Variants in NIBAN2 observed in about 807,000 individuals in gnomAD.
The protein encoded by NIBAN2 is protein Niban 2.
In NIBAN2, 36 loss-of-function variants were observed where a neutral mutation model predicts 81.8. That is an observed-to-expected ratio of 0.44 (90% CI 0.34 to 0.58). The LOEUF (loss-of-function observed/expected upper bound fraction) is 0.58. Among genes scored for constraint, NIBAN2 ranks in the 20% least tolerant of loss-of-function variants. NIBAN2 has a pLI of 0.02. For missense variants in NIBAN2, 897 were observed against 1,014.1 expected, an observed-to-expected ratio of 0.88 and a Z score of 1.57; for synonymous variants, 445 against 441.6, an observed-to-expected ratio of 1.01 and a Z score of -0.10.
chr9:127,551,058 C>G lies in NIBAN2; in HGVS notation c.55+17762G>C, dbSNP rs560296620. 3.3e-5 allele frequency among the ~76,000 whole-genome samples: 5 copies of G among 152,048 alleles called. No homozygotes were observed. The East Asian group carries it at 9.6e-4, about 29-fold the overall frequency. ...ATTAAGAAAAGGGAAGCCAGTGATC[C>G]CCACCGCACAAAGGGACAGATGGAA... On this transcript the variant is annotated intron_variant, in intron 1 of 13. Transcript: ENST00000373312.
chr9:127,555,651 G>A (rs567819349), intron 1 of NIBAN2, among the ~76,000 whole-genome samples: 1 of 152,298 alleles, frequency 6.6e-6, no homozygotes, highest in Non-Finnish European at 1.5e-5. Flanking sequence ...GTGGGCACAG[G>A]ACTTGCCCCA....
At chr9:127,543,179 C>T (rs895528530) in intron 1 of NIBAN2, among the ~76,000 whole-genome samples, 6 of 152,194 alleles carry the variant, frequency 3.9e-5, no homozygotes, top group African/African-American at 1.4e-4. Flanking sequence ...TCAAAATGGC[C>T]CAGGGAGAAA....
intron 2 of NIBAN2, among the ~76,000 whole-genome samples, chr9:127,529,561 A>G (rs1023673118): frequency 2.0e-5 from 3 of 152,106 alleles, no homozygotes; most frequent in African/African-American, 7.2e-5. Flanking sequence ...AATCGCTTGA[A>G]CCAGGGAGGT....
chr9:127,542,960 G>A (rs1346329495), intron 1 of NIBAN2, among the ~76,000 whole-genome samples: 1 of 152,144 alleles, frequency 6.6e-6, no homozygotes, highest in Non-Finnish European at 1.5e-5. Context: ...CCTGACCTCA[G>A]GTGATCCACC....
Position 127,508,180 on chromosome 9 carries a change from G to A in NIBAN2, c.1455C>T (p.Ser485=). 1.9e-6 allele frequency: 3 copies of A among 1,613,604 alleles called. No individual in the cohort carries two copies. Among genetic ancestry groups the A allele is most frequent in the Non-Finnish European group, 2.5e-6 (3 of 1,179,942 alleles). ...RVLKKYDYDS[S]SVRKRFFREA... ...CCCGGAAGAACCTCTTCCGCACAGAGCTGCTGTCGTAGTCGTATTTCTGCA... is the reference window on the plus strand; with the variant it reads ...CCCGGAAGAACCTCTTCCGCACAGAACTGCTGTCGTAGTCGTATTTCTGCA... Residue 485 remains serine, a synonymous_variant, in exon 12 of 14, where the codon AGC becomes AGT. Transcript: ENST00000373312. This position sits in a 1 kb window ranked among gnomAD's most constrained non-coding sequence, Gnocchi z 6.4.
chr9:127,570,390 G>C (rs1837932879), upstream of NIBAN2, among the ~76,000 whole-genome samples: 1 of 152,170 alleles, frequency 6.6e-6, no homozygotes, highest in African/African-American at 2.4e-5. Flanking sequence ...GGGGTGAAAA[G>C]AGAAGGAAGC....
At position 127,507,735 on chromosome 9, in the gene NIBAN2, G is replaced by A; in HGVS notation, c.1654+132C>T. On this transcript the variant is annotated intron_variant, in intron 13 of 13. Coordinates refer to ENST00000373312, the MANE Select transcript of NIBAN2 (RefSeq NM_022833.4). The surrounding 1 kb of genome is among the most constrained non-coding windows in gnomAD (Gnocchi z 6.8). ...CCGGAGGCCACACAGCGAAGAGTGG[G>A]CTTCACCCAGACCCCAGGTGCAAGT... The A allele has an allele frequency of 1.2e-6, 1 of 825,930 alleles. No individual in the cohort carries two copies. The highest frequency in any genetic ancestry group is 2.0e-6 in the Non-Finnish European group (1 of 494,762). 51.2% of individuals were successfully genotyped at this position (825,930 alleles called of 1,614,324 possible). A position where few individuals can be genotyped will look rare whatever the true frequency, so the allele number is the denominator to read the frequency against.
chr9:127,513,072 T>C (rs1836766051), intron 8 of NIBAN2, among the ~76,000 whole-genome samples: 1 of 152,124 alleles, frequency 6.6e-6, no homozygotes, highest in Admixed American at 6.5e-5. Context: ...TGCAACAACA[T>C]GGTTGGAGCT....
Position 127,506,283 on chromosome 9 carries a change from C to G in NIBAN2, c.*562G>C, listed in dbSNP as rs1209896540. On this transcript the variant is annotated 3_prime_UTR_variant, in exon 14 of 14. Coordinates refer to ENST00000373312, the MANE Select transcript of NIBAN2 (RefSeq NM_022833.4). ...ATGAGGCACCCCCTAAATCTCATCT[C>G]TCCACCCAGCACCCCCAGCCTGGCT... is the stretch of plus-strand genomic sequence containing the variant. 1 of 152,820 alleles carries G rather than the reference C, an allele frequency of 6.5e-6. No individual in the cohort carries two copies. Among genetic ancestry groups the G allele is most frequent in the African/African-American group, 2.4e-5 (1 of 41,426 alleles). The allele number at this position is 152,820 out of a possible 1,614,324, so 9.5% of individuals were successfully genotyped here.
In NIBAN2 at chr9:127,545,406, C is replaced by T. The variant is rs1377665589; in HGVS notation, c.56-13628G>A. Among the ~76,000 whole-genome samples the T allele has an allele frequency of 2.6e-5, 4 of 152,194 alleles. No individual in the cohort carries two copies. Among genetic ancestry groups the T allele is most frequent in the Non-Finnish European group, 4.4e-5 (3 of 68,044 alleles). On this transcript the variant is annotated intron_variant, in intron 1 of 13. Coordinates refer to ENST00000373312, the MANE Select transcript of NIBAN2 (RefSeq NM_022833.4). The surrounding 1 kb of genome is among the most constrained non-coding windows in gnomAD (Gnocchi z 4.7). ...CGCTGTCTCCCCAGCACCCAGCTCC[C>T]GCCAGGCCCAGGGGGGTGCTTGATA...
At chr9:127,578,534 G>A (rs75131955) in intron 1 of NIBAN2, among the ~76,000 whole-genome samples, 4,167 of 151,240 alleles carry the variant, frequency 0.028, 157 homozygotes, top group African/African-American at 0.079. Context: ...TGGCGGTGGG[G>A]CCCTGTCATC....
chr9:127,516,835 G>T, intron 8 of NIBAN2, 22 bp downstream of exon 8: 2 of 1,600,692 alleles, frequency 1.2e-6, no homozygotes, highest in South Asian at 2.2e-5. Flanking sequence ...AGGGCCCGTC[G>T]AGCACGGGGG....
Position 127,507,575 on chromosome 9 carries a change from AAGC to A in NIBAN2, c.1655-147_1655-145del. On this transcript the variant is annotated intron_variant, in intron 13 of 13. Transcript: ENST00000373312. This position sits in a 1 kb window ranked among gnomAD's most constrained non-coding sequence, Gnocchi z 6.8. ...GACTCATTCCAGGCCTCGTTGCTGAAAGCAGCAAGGCCGTGATGCTATCTCCAG... is the reference window on the plus strand; with the variant it reads ...GACTCATTCCAGGCCTCGTTGCTGAAAGCAAGGCCGTGATGCTATCTCCAG... 1.3e-6 allele frequency: 1 copy of A among 771,742 alleles called. No individual in the cohort carries two copies. The highest frequency in any genetic ancestry group is 2.0e-6 in the Non-Finnish European group (1 of 489,708). 47.8% of individuals were successfully genotyped at this position (771,742 alleles called of 1,614,324 possible). A position where few individuals can be genotyped will look rare whatever the true frequency, so the allele number is the denominator to read the frequency against.
In NIBAN2 at chr9:127,508,903, G is replaced by A. The variant is rs1588150225; in HGVS notation, c.1317+73C>T. 2 of 1,550,946 alleles carry A rather than the reference G, an allele frequency of 1.3e-6. No individual in the cohort carries two copies. Among genetic ancestry groups the A allele is most frequent in the Admixed American group, 3.4e-5 (2 of 59,430 alleles). ...TGGCATGACGGGACGGAGCAGAAGG[G>A]ACCCCCTGGGCGAGGGGGCCTGTGG... On this transcript the variant is annotated intron_variant, in intron 10 of 13. Transcript: ENST00000373312. This position sits in a 1 kb window ranked among gnomAD's most constrained non-coding sequence, Gnocchi z 6.4.
In NIBAN2 at chr9:127,508,616, T is replaced by A; in HGVS notation, c.1318-78A>T. ...CCTGGGTGCCGCTGAGGGGTCCTCA[T>A]CCTCAACCAGCCCCCCACCCCGAGG... On this transcript the variant is annotated intron_variant, in intron 10 of 13. Transcript: ENST00000373312. The surrounding 1 kb of genome is among the most constrained non-coding windows in gnomAD (Gnocchi z 6.4). The A allele has an allele frequency of 8.2e-7, 1 of 1,215,066 alleles. No individual in the cohort carries two copies. The highest frequency in any genetic ancestry group is 1.7e-5 in the Admixed American group (1 of 59,106). The allele number at this position is 1,215,066 out of a possible 1,614,324, so 75.3% of individuals were successfully genotyped here. A position where few individuals can be genotyped will look rare whatever the true frequency, so the allele number is the denominator to read the frequency against.
chr9:127,542,024 C>T (rs1297198158), intron 1 of NIBAN2, among the ~76,000 whole-genome samples: 5 of 152,150 alleles, frequency 3.3e-5, no homozygotes, highest in African/African-American at 7.2e-5. Flanking sequence ...GTCCTGTGCC[C>T]GCCGCAGCCA....
At chr9:127,523,009 A>G (rs967718644) in intron 5 of NIBAN2, among the ~76,000 whole-genome samples, 1 of 150,946 alleles carries the variant, frequency 6.6e-6, no homozygotes, top group African/African-American at 2.4e-5. Flanking sequence ...CTTGTTGCAC[A>G]CCCAGTGCCT....
intron 1 of NIBAN2, among the ~76,000 whole-genome samples, chr9:127,560,711 GCA>G (rs1242228191): frequency 6.6e-6 from 1 of 152,188 alleles, no homozygotes; most frequent in African/African-American, 2.4e-5. Context: ...ACAGCGCCGG[GCA>G]CACAGAAGGT....
chr9:127,526,397 T>TCA (rs1837063837), intron 3 of NIBAN2, among the ~76,000 whole-genome samples: 2 of 37,150 alleles, frequency 5.4e-5, no homozygotes, highest in Non-Finnish European at 1.1e-4. Flanking sequence ...AGACTTCATC[T>TCA]CAAAAAAAAA....
Sources: gnomAD v4.1 joint callset for allele counts (sites outside exome capture counted in the v4.1 genomes callset) on GRCh38, gnomAD v4.1.1 for gene constraint, Gnocchi (gnomAD v3.1) non-coding constraint, MANE v1.5 for transcripts, NCBI Gene and HGNC (gene_info 2026-07-23, HGNC 2026-07-21) for gene names.